NDUFB6: variants seen among roughly 807,000 people sequenced by gnomAD.
NDUFB6 encodes NADH dehydrogenase [ubiquinone] 1 beta subcomplex subunit 6.
NDUFB6 carries 23 observed loss-of-function variants against 17.5 expected under a neutral mutation model. The observed-to-expected ratio is 1.31, with a 90% confidence interval of 0.94 to 1.86. The LOEUF is 1.86. Among genes scored for constraint, NDUFB6 ranks in the 40% most tolerant of loss-of-function variants. The pLI, the probability that NDUFB6 is intolerant of heterozygous loss-of-function variation, is 0.00. For synonymous variants in NDUFB6, 60 were observed against 53.5 expected, an observed-to-expected ratio of 1.12 and a Z score of -0.53; for missense variants, 167 against 153.8, an observed-to-expected ratio of 1.09 and a Z score of -0.46.
intron 2 of NDUFB6, among the ~76,000 whole-genome samples, chr9:32,559,508 C>T (rs1298641946): frequency 6.6e-6 from 1 of 152,176 alleles, no homozygotes; most frequent in African/African-American, 2.4e-5. Context: ...TCTTTTCTCC[C>T]TCACTTACTC....
chr9:32,565,576 A>G (rs1419209872), intron 2 of NDUFB6: 1 of 152,280 alleles, frequency 6.6e-6, no homozygotes, highest in Non-Finnish European at 1.5e-5. Context: ...GAACAGAAGA[A>G]TTCCTCAGCT....
At chr9:32,564,605 TCC>T (rs750453055) in intron 2 of NDUFB6, among the ~76,000 whole-genome samples, 3 of 152,012 alleles carry the variant, frequency 2.0e-5, no homozygotes, top group Non-Finnish European at 4.4e-5. Context: ...AGAAAATGAG[TCC>T]TCTGTAATCC....
At position 32,572,851 on chromosome 9, in the gene NDUFB6, T is replaced by C. The variant is rs757649968; in HGVS notation, c.180+30A>G. 5.2e-6 allele frequency: 8 copies of C among 1,527,314 alleles called. No individual in the cohort carries two copies. In the Admixed American group the frequency reaches 7.9e-5, roughly 15 times the overall value. The allele number at this position is 1,527,314 out of a possible 1,614,324, so 94.6% of individuals were successfully genotyped here. A position where few individuals can be genotyped will look rare whatever the true frequency, so the allele number is the denominator to read the frequency against. ...GGCTGCCGGCAGCAGTGGGATGTGT[T>C]GGGGGGGACCGGAGAGGTCTGTCAC... is the stretch of plus-strand genomic sequence containing the variant. On this transcript the variant is annotated intron_variant, in intron 1 of 3. Transcript: ENST00000379847.
intron 3 of NDUFB6, among the ~76,000 whole-genome samples, chr9:32,555,279 T>C (rs1821426164): frequency 6.6e-6 from 1 of 152,154 alleles, no homozygotes; most frequent in South Asian, 2.1e-4. Flanking sequence ...CCTTGTGGTA[T>C]TGAAAAATCA....
chr9:32,564,129 C>T (rs1019001256), intron 2 of NDUFB6, among the ~76,000 whole-genome samples: 1 of 152,158 alleles, frequency 6.6e-6, no homozygotes, highest in African/African-American at 2.4e-5. Context: ...AATATGTACA[C>T]ACAAACACGC....
intron 3 of NDUFB6, among the ~76,000 whole-genome samples, chr9:32,554,844 G>A (rs1167612311): frequency 6.6e-6 from 1 of 152,134 alleles, no homozygotes; most frequent in Non-Finnish European, 1.5e-5. Context: ...ACAAAAGGCA[G>A]TGGCAAACTA....
chr9:32,567,161 C>T (rs1821821393), intron 2 of NDUFB6: 1 of 476,156 alleles, frequency 2.1e-6, no homozygotes, highest in Non-Finnish European at 4.3e-6. Context: ...GCCCCGCAGG[C>T]AGTGGCACCC....
chr9:32,571,827 T>G (rs1821946922), intron 1 of NDUFB6, among the ~76,000 whole-genome samples: 1 of 152,244 alleles, frequency 6.6e-6, no homozygotes, highest in South Asian at 2.1e-4. Flanking sequence ...TCCGATAATG[T>G]CAGGGATACA....
Position 32,571,060 on chromosome 9 carries a change from G to A in NDUFB6, c.181-8C>T, listed in dbSNP as rs750044120. ...TTTGTATACCCCATGGACCTGGGGG[G>A]AAAAACACATACACAAAATAAACAT... On this transcript the variant is annotated splice_polypyrimidine_tract_variant and splice_region_variant and intron_variant, in intron 1 of 3. Transcript: ENST00000379847. 3 of 1,557,160 alleles carry A rather than the reference G, an allele frequency of 1.9e-6. No individual in the cohort carries two copies. The highest frequency in any genetic ancestry group is 4.6e-5 in the East Asian group (2 of 43,786).
chr9:32,565,865 G>T (rs903921184), intron 2 of NDUFB6, among the ~76,000 whole-genome samples: 1 of 152,080 alleles, frequency 6.6e-6, no homozygotes, highest in Non-Finnish European at 1.5e-5. Flanking sequence ...CTAGCTACTT[G>T]GGAGGTTGAG....
intron 1 of NDUFB6, among the ~76,000 whole-genome samples, chr9:32,571,291 A>G (rs956578273): frequency 1.6e-5 from 2 of 127,968 alleles, no homozygotes; most frequent in African/African-American, 5.3e-5. Context: ...TTGCAAGACT[A>G]TAACAAGGCA....
rs111261393 is a variant in NDUFB6, at chr9:32,558,803, G to A, written c.318+107C>T. On this transcript the variant is annotated intron_variant, in intron 3 of 3. Coordinates refer to ENST00000379847, the MANE Select transcript of NDUFB6 (RefSeq NM_002493.5). ...AATACACAAAACAGGGACTTAAACCGAAAGTGAGAAGGAAAGAACATTTTA... is the reference window on the plus strand; with the variant it reads ...AATACACAAAACAGGGACTTAAACCAAAAGTGAGAAGGAAAGAACATTTTA... 7.0e-3 allele frequency: 5,292 copies of A among 757,434 alleles called. 30 individuals are homozygous for A. Among genetic ancestry groups the A allele is most frequent in the Non-Finnish European group, 9.3e-3 (4,558 of 487,728 alleles). The allele number at this position is 757,434 out of a possible 1,614,324, so 46.9% of individuals were successfully genotyped here.
intron 1 of NDUFB6, 95 bp downstream of exon 1, chr9:32,572,786 G>T: frequency 1.7e-6 from 2 of 1,210,912 alleles, no homozygotes; most frequent in Non-Finnish European, 2.3e-6. Flanking sequence ...AGCGTTATCA[G>T]TCCTTGGTGT....
At chr9:32,557,285 C>G (rs1821490221) in intron 3 of NDUFB6, among the ~76,000 whole-genome samples, 1 of 150,700 alleles carries the variant, frequency 6.6e-6, no homozygotes, top group African/African-American at 2.4e-5. Flanking sequence ...GTGCCTCAGC[C>G]TCCAGGTAGC....
At chr9:32,555,067 T>C (rs936051029) in intron 3 of NDUFB6, among the ~76,000 whole-genome samples, 1 of 151,404 alleles carries the variant, frequency 6.6e-6, no homozygotes, top group Non-Finnish European at 1.5e-5. Context: ...AACACTTTGG[T>C]GCACGCTAGA....
intron 2 of NDUFB6, chr9:32,566,617 C>A: frequency 1.3e-6 from 1 of 788,840 alleles, no homozygotes. Flanking sequence ...TCCTCCTGAG[C>A]CTCTGCACCC....
At chr9:32,558,881 AAAG>A (rs1563992817) in intron 3 of NDUFB6, 26 bp downstream of exon 3, 1 of 1,446,180 alleles carries the variant, frequency 6.9e-7, no homozygotes, top group Non-Finnish European at 9.5e-7. Context: ...ACAATAAACA[AAAG>A]AAAAATCAGA....
intron 2 of NDUFB6, chr9:32,568,658 G>A (rs7030951): frequency 6.4e-6 from 1 of 156,996 alleles, no homozygotes; most frequent in Non-Finnish European, 1.5e-5. Flanking sequence ...ATATATATAT[G>A]TATATATGTA....
Position 32,553,593 on chromosome 9 carries a change from T to C in NDUFB6, c.*283A>G, listed in dbSNP as rs545900082. On this transcript the variant is annotated 3_prime_UTR_variant, in exon 4 of 4. Coordinates refer to ENST00000379847, the MANE Select transcript of NDUFB6 (RefSeq NM_002493.5). Reference sequence around the variant, plus strand: ...CCTGATACCAAATTAGTGTAAGTACTGTGTAAGAAAAAAACAAACAAACAT... The same window carrying C: ...CCTGATACCAAATTAGTGTAAGTACCGTGTAAGAAAAAAACAAACAAACAT... 1.3e-4 allele frequency: 46 copies of C among 364,544 alleles called. No individual in the cohort carries two copies. The highest frequency in any genetic ancestry group is 8.2e-4 in the Middle Eastern group (1 of 1,226). The allele number at this position is 364,544 out of a possible 1,614,324, so 22.6% of individuals were successfully genotyped here.
Sources: allele counts gnomAD v4.1 joint callset (sites outside exome capture counted in the v4.1 genomes callset), GRCh38; gene constraint gnomAD v4.1.1; transcripts MANE v1.5; gene names NCBI Gene and HGNC (gene_info 2026-07-23, HGNC 2026-07-21).